The following MTA1 variants were observed in gnomAD, a reference collection of about 807,000 sequenced individuals.
The protein encoded by MTA1 is metastasis-associated protein MTA1.
MTA1 carries 15 observed loss-of-function variants against 97.0 expected under a neutral mutation model. The observed-to-expected ratio is 0.15, with a 90% confidence interval of 0.10 to 0.24. The LOEUF is 0.24. Among genes scored for constraint, MTA1 ranks in the 10% least tolerant of loss-of-function variants. The pLI, the probability that MTA1 is intolerant of heterozygous loss-of-function variation, is 1.00. For synonymous variants in MTA1, 435 were observed against 417.5 expected (o/e 1.04, Z -0.51); for missense variants, 709 against 1,015.1 (o/e 0.70, Z 4.10).
At chr14:105,430,728 A>C (rs988598546) in intron 1 of MTA1, among the ~76,000 whole-genome samples, 2 of 152,186 alleles carry the variant, frequency 1.3e-5, no homozygotes, top group Admixed American at 6.5e-5. Flanking sequence ...GGGATTGGCA[A>C]ACTGGCCCGC....
chr14:105,460,668 A>G, intron 9 of MTA1, 97 bp from the exon 10 acceptor site: 1 of 1,355,150 alleles, frequency 7.4e-7, no homozygotes, highest in Non-Finnish European at 9.8e-7. Context: ...CTGGGCCTGC[A>G]GTAGGGGATC....
Position 105,449,374 on chromosome 14 carries a change from A to G in MTA1, c.206A>G (p.Tyr69Cys), listed in dbSNP as rs782397761. Residue 69 changes from tyrosine (Y) to cysteine (C), a missense_variant, in exon 4 of 21, where the codon TAT becomes TGT. Physicochemically the swap from Tyr to Cys is radical, Grantham distance 194 (BLOSUM62 -2). Coordinates refer to ENST00000331320, the MANE Select transcript of MTA1 (RefSeq NM_004689.4). ...ADKHATLSVC[Y>C]KAGPGADNGE... ...TGTTATATAGCCCTGTCAGTCTGCT[A>G]TAAGGCCGGACCGGGGGCGGACAAC... The G allele has an allele frequency of 3.1e-6, 5 of 1,612,492 alleles. No homozygotes were observed. In the East Asian group the frequency reaches 6.7e-5, roughly 22 times the overall value.
Position 105,466,526 on chromosome 14 carries a change from C to A in MTA1, c.1725C>A (p.Gly575=). 1 of 1,588,996 alleles carries A rather than the reference C, an allele frequency of 6.3e-7. No homozygotes were observed. The highest frequency in any genetic ancestry group is 2.3e-5 in the East Asian group (1 of 43,498). The change falls in exon 17 of 21, where the codon GGC becomes GGA. Residue 575 remains glycine (G), a synonymous_variant. Coordinates refer to ENST00000331320, the MANE Select transcript of MTA1 (RefSeq NM_004689.4). The part of the protein sequence containing the change: ...PAKVAPVINN[G]SPTILGKRSY... ...AGGTGGCCCCCGTCATCAACAACGGCTCCCCCACCATCCTGGGCAAGCGCA... is the reference window on the plus strand; with the variant it reads ...AGGTGGCCCCCGTCATCAACAACGGATCCCCCACCATCCTGGGCAAGCGCA...
intron 7 of MTA1, among the ~76,000 whole-genome samples, chr14:105,456,481 C>T (rs1216065577): frequency 6.6e-6 from 1 of 152,232 alleles, no homozygotes; most frequent in African/African-American, 2.4e-5. Context: ...CTGCCTTCCC[C>T]GCTGCCCTGC....
chr14:105,429,752 C>CTTTTT (rs59028638), intron 1 of MTA1, among the ~76,000 whole-genome samples: 5,468 of 50,512 alleles, frequency 0.11, 464 homozygotes, highest in East Asian at 0.13. Flanking sequence ...TGCGCCCGGC[C>CTTTTT]TTTTTTTTTT....
At chr14:105,449,624 T>C (rs2082846475) in intron 4 of MTA1, among the ~76,000 whole-genome samples, 1 of 151,436 alleles carries the variant, frequency 6.6e-6, no homozygotes, top group Admixed American at 6.6e-5. Context: ...GTGTGGGAGG[T>C]CTGTGGTGGG....
chr14:105,454,676 G>A (rs1409483140), intron 7 of MTA1: 2 of 167,044 alleles, frequency 1.2e-5, no homozygotes, highest in Non-Finnish European at 2.6e-5. Context: ...GGGTGATCTC[G>A]GCTCACTGCA....
At chr14:105,451,202 G>A (rs2082916310) in intron 6 of MTA1, among the ~76,000 whole-genome samples, 1 of 152,226 alleles carries the variant, frequency 6.6e-6, no homozygotes, top group Non-Finnish European at 1.5e-5. Flanking sequence ...CATGGGCTCT[G>A]AAGGATCCAG....
chr14:105,465,346 C>T (rs1337877686), intron 16 of MTA1, 163 bp downstream of exon 16: 1 of 496,768 alleles, frequency 2.0e-6, no homozygotes, highest in Non-Finnish European at 3.3e-6. Flanking sequence ...GTGCCAGGCT[C>T]AGGCAGACCC....
chr14:105,434,070 G>A lies in MTA1; in HGVS notation c.29-4602G>A, dbSNP rs143665690. ...CTCGATCTCCTGAAGTGATCTGCCC[G>A]CCTCCTGAAGTGCTGGCATTACAGG... is the stretch of plus-strand genomic sequence containing the variant. On this transcript the variant is annotated intron_variant, in intron 1 of 20. Transcript: ENST00000331320. Among the ~76,000 whole-genome samples, 13 of 152,262 alleles carry A rather than the reference G, an allele frequency of 8.5e-5. No homozygotes were observed. In the East Asian group the frequency reaches 2.3e-3, roughly 27 times the overall value.
chr14:105,427,924 A>C (rs1322490203), intron 1 of MTA1, among the ~76,000 whole-genome samples: 1 of 149,742 alleles, frequency 6.7e-6, no homozygotes, highest in Non-Finnish European at 1.5e-5. Context: ...AGGCCGAGGC[A>C]TGAGAATCAC....
chr14:105,423,990 C>T (rs587699116), intron 1 of MTA1, among the ~76,000 whole-genome samples: 15 of 152,226 alleles, frequency 9.9e-5, no homozygotes, highest in Non-Finnish European at 1.8e-4. Flanking sequence ...CCTGGAGACA[C>T]GGCCGTCCTG....
intron 2 of MTA1, among the ~76,000 whole-genome samples, chr14:105,440,156 C>T (rs2082461029): frequency 2.0e-5 from 3 of 152,368 alleles, no homozygotes; most frequent in Admixed American, 2.0e-4. Flanking sequence ...ACTGCCCCTG[C>T]TGGGCAGGGC....
intron 2 of MTA1, among the ~76,000 whole-genome samples, chr14:105,444,417 G>T (rs928883915): frequency 1.3e-5 from 2 of 152,018 alleles, no homozygotes; most frequent in Non-Finnish European, 2.9e-5. Context: ...GTGGTCCTGG[G>T]AGATGGAGGC....
At chr14:105,448,627 C>T (rs1443550231) in intron 3 of MTA1, among the ~76,000 whole-genome samples, 1 of 152,214 alleles carries the variant, frequency 6.6e-6, no homozygotes, top group Non-Finnish European at 1.5e-5. Flanking sequence ...CCTGGTCGGC[C>T]CTGCCCTGTT....
At chr14:105,469,528 G>C in intron 19 of MTA1, 30 bp downstream of exon 19, 10 of 1,611,078 alleles carry the variant, frequency 6.2e-6, no homozygotes, top group Non-Finnish European at 8.5e-6. Context: ...ATGGGGTACG[G>C]TGCGCTCACC....
At chr14:105,443,189 C>T (rs893608294) in intron 2 of MTA1, among the ~76,000 whole-genome samples, 6 of 152,208 alleles carry the variant, frequency 3.9e-5, no homozygotes, top group Admixed American at 2.0e-4. Context: ...GGTCAGGCCA[C>T]ATTGGATCAT....
At position 105,436,201 on chromosome 14, in the gene MTA1, G is replaced by A. The variant is rs1436181778; in HGVS notation, c.29-2471G>A. Among the ~76,000 whole-genome samples, 6 of 152,252 alleles carry A rather than the reference G, an allele frequency of 3.9e-5. No individual in the cohort carries two copies. In the East Asian group the frequency reaches 5.8e-4, roughly 15 times the overall value. ...GAAGAATCACTTGAACCCGGGAGGC[G>A]GAGGTTGCAGTGAGCTGAGATCGCT... On this transcript the variant is annotated intron_variant, in intron 1 of 20. Transcript: ENST00000331320.
At chr14:105,462,634 C>CT (rs1567040624) in intron 10 of MTA1, among the ~76,000 whole-genome samples, 6 of 151,308 alleles carry the variant, frequency 4.0e-5, no homozygotes, top group African/African-American at 1.5e-4. Context: ...TTTGGGAGGC[C>CT]GAAGTGGGTG....
Sources: gnomAD v4.1 joint callset for allele counts (sites outside exome capture counted in the v4.1 genomes callset) on GRCh38, gnomAD v4.1.1 for gene constraint, MANE v1.5 for transcripts, NCBI Gene and HGNC (gene_info 2026-07-23, HGNC 2026-07-21) for gene names.